CLMN: variants seen among roughly 807,000 people sequenced by gnomAD.
The protein encoded by CLMN is calmin.
A neutral mutation model predicts 92.7 loss-of-function variants in CLMN; 57 were observed. That is an observed-to-expected ratio of 0.61 (90% confidence interval 0.50 to 0.77). The LOEUF is 0.77. Among genes scored for constraint, CLMN ranks in the 30% least tolerant of loss-of-function variants. The pLI, the probability that CLMN is intolerant of heterozygous loss-of-function variation, is 0.00. For synonymous variants in CLMN, 466 were observed against 470.6 expected, an observed-to-expected ratio of 0.99 and a Z score of 0.13; for missense variants, 1,158 against 1,237.5, an observed-to-expected ratio of 0.94 and a Z score of 0.96.
Position 95,197,231 on chromosome 14 carries a change from A to G in CLMN, c.2512-537T>C, listed in dbSNP as rs548413876. On this transcript the variant is annotated intron_variant, in intron 9 of 12. Coordinates refer to ENST00000298912, the MANE Select transcript of CLMN (RefSeq NM_024734.4). Reference sequence around the variant, plus strand: ...GCCACTGCACTCCAACCTGGATGACACAGTGAGACCCTGTGAAGAAGAAGG... The same window carrying G: ...GCCACTGCACTCCAACCTGGATGACGCAGTGAGACCCTGTGAAGAAGAAGG... 2.5e-4 allele frequency among the ~76,000 whole-genome samples: 38 copies of G among 152,074 alleles called. 1 individual carries two copies. In the East Asian group the frequency reaches 7.3e-3, roughly 29 times the overall value.
chr14:95,282,171 T>A (rs989961248), intron 1 of CLMN, among the ~76,000 whole-genome samples: 7 of 152,204 alleles, frequency 4.6e-5, no homozygotes, highest in African/African-American at 9.6e-5. Context: ...ACAAAAAGAA[T>A]GAGCAGTTTG....
intron 8 of CLMN, 61 bp from the exon 9 acceptor site, chr14:95,204,524 GCA>G (rs1224505310): frequency 9.3e-5 from 130 of 1,403,962 alleles, no homozygotes; most frequent in Non-Finnish European, 8.8e-5. Flanking sequence ...ACAAAAAAAA[GCA>G]CAGAGCAACA....
chr14:95,195,547 T>C (rs1475361052), intron 10 of CLMN, among the ~76,000 whole-genome samples: 1 of 152,206 alleles, frequency 6.6e-6, no homozygotes, highest in Admixed American at 6.5e-5. Flanking sequence ...CATACCTCAA[T>C]AGTTTTCTGT....
intron 9 of CLMN, among the ~76,000 whole-genome samples, chr14:95,202,280 G>A (rs1357966838): frequency 6.6e-6 from 1 of 152,214 alleles, no homozygotes; most frequent in Non-Finnish European, 1.5e-5. Flanking sequence ...TCTTACTGGT[G>A]TGAGATGGAA....
At chr14:95,234,522 A>G (rs1897989363) in intron 1 of CLMN, among the ~76,000 whole-genome samples, 1 of 152,168 alleles carries the variant, frequency 6.6e-6, no homozygotes, top group Non-Finnish European at 1.5e-5. Context: ...TGGCCTTCTC[A>G]CAGAGTGTTT....
rs1900707587 is a variant in CLMN at position 95,294,033 on chromosome 14, AG to A, written c.82+25677del. On this transcript the variant is annotated intron_variant, in intron 1 of 12. Transcript: ENST00000298912. This position sits in a 1 kb window ranked among gnomAD's most constrained non-coding sequence, Gnocchi z 4.2. Reference sequence around the variant, plus strand: ...GGTGACACCAAAGAGGAGGAGGAGGAGGAGGAGGCCAGAAGTCTGGCTGGAG... The same window carrying A: ...GGTGACACCAAAGAGGAGGAGGAGGAGAGGAGGCCAGAAGTCTGGCTGGAG... Among the ~76,000 whole-genome samples, 1 of 152,068 alleles carries A rather than the reference AG, an allele frequency of 6.6e-6. No homozygotes were observed. Among genetic ancestry groups the A allele is most frequent in the Admixed American group, 6.6e-5 (1 of 15,262 alleles).
intron 10 of CLMN, among the ~76,000 whole-genome samples, chr14:95,196,294 C>G (rs576875461): frequency 3.2e-4 from 49 of 152,326 alleles, no homozygotes; most frequent in African/African-American, 1.1e-3. Context: ...TCCCATCCTT[C>G]CCTTTTTGCT....
chr14:95,227,303 C>T (rs961804428), intron 2 of CLMN, among the ~76,000 whole-genome samples: 1 of 152,158 alleles, frequency 6.6e-6, no homozygotes, highest in African/African-American at 2.4e-5. Context: ...GGCAATTCCA[C>T]CCGCAGGTGC....
intron 1 of CLMN, among the ~76,000 whole-genome samples, chr14:95,266,590 A>C (rs1899483782): frequency 6.6e-6 from 1 of 152,226 alleles, no homozygotes; most frequent in African/African-American, 2.4e-5. Flanking sequence ...GGATTGGAAG[A>C]ATTAATATAT....
intron 4 of CLMN, among the ~76,000 whole-genome samples, chr14:95,218,135 T>C (rs1213891606): frequency 4.6e-5 from 7 of 152,194 alleles, no homozygotes; most frequent in Non-Finnish European, 8.8e-5. Flanking sequence ...ACCAATTGGT[T>C]TGTGGAAATA....
At position 95,184,437 on chromosome 14, in the gene CLMN, T is replaced by A. The variant is rs1305787302; in HGVS notation, c.*7127A>T. The A allele has an allele frequency of 6.6e-6, 1 of 152,284 alleles. No individual in the cohort carries two copies. Among genetic ancestry groups the A allele is most frequent in the African/African-American group, 2.4e-5 (1 of 41,478 alleles). 9.4% of individuals were successfully genotyped at this position (152,284 alleles called of 1,614,324 possible). A position where few individuals can be genotyped will look rare whatever the true frequency, so the allele number is the denominator to read the frequency against. ...CAGTGCGATTGAGGCCGTGGATTGT[T>A]GAGGCATGTGTATATTTAAAAACAA... On this transcript the variant is annotated 3_prime_UTR_variant, in exon 13 of 13. Transcript: ENST00000298912.
At position 95,204,499 on chromosome 14, in the gene CLMN, A is replaced by C. The variant is rs537457801; in HGVS notation, c.886-36T>G. The C allele has an allele frequency of 1.7e-5, 26 of 1,512,498 alleles. No homozygotes were observed. In the African/African-American group the frequency reaches 3.4e-4, roughly 20 times the overall value. The allele number at this position is 1,512,498 out of a possible 1,614,324, so 93.7% of individuals were successfully genotyped here. A position where few individuals can be genotyped will look rare whatever the true frequency, so the allele number is the denominator to read the frequency against. On this transcript the variant is annotated intron_variant, in intron 8 of 12. Coordinates refer to ENST00000298912, the MANE Select transcript of CLMN (RefSeq NM_024734.4). The stretch of plus-strand genomic sequence containing the variant: ...AAACAAAAACAAACAAACAAAAAAA[A>C]ACAAAAGAACAACAACAAAAAAAAG...
chr14:95,238,398 G>A (rs1182227389), intron 1 of CLMN, among the ~76,000 whole-genome samples: 1 of 152,184 alleles, frequency 6.6e-6, no homozygotes, highest in Admixed American at 6.5e-5. Context: ...TTCCCCCATC[G>A]GCTCTGGCGG....
Position 95,194,652 on chromosome 14 carries a change from GT to G in CLMN, c.2709-57del. Reference sequence around the variant, plus strand: ...ACCACCTGGAGCTCTTCATGGCTCAGTTGTACGGTCACCCCCATCCTGGGGT... The same window carrying G: ...ACCACCTGGAGCTCTTCATGGCTCAGTGTACGGTCACCCCCATCCTGGGGT... On this transcript the variant is annotated intron_variant, in intron 10 of 12. Coordinates refer to ENST00000298912, the MANE Select transcript of CLMN (RefSeq NM_024734.4). This position sits in a 1 kb window ranked among gnomAD's most constrained non-coding sequence, Gnocchi z 4.0. 1.3e-6 allele frequency: 2 copies of G among 1,538,014 alleles called. No individual in the cohort carries two copies. The highest frequency in any genetic ancestry group is 4.5e-5 in the East Asian group (2 of 44,404).
intron 1 of CLMN, among the ~76,000 whole-genome samples, chr14:95,252,291 C>G (rs1161819247): frequency 3.9e-5 from 6 of 152,238 alleles, no homozygotes; most frequent in African/African-American, 1.4e-4. Flanking sequence ...GCTGCTCCCC[C>G]TCACTGTCCC....
At chr14:95,221,080 C>CA (rs1447544326) in intron 4 of CLMN, among the ~76,000 whole-genome samples, 3 of 152,148 alleles carry the variant, frequency 2.0e-5, no homozygotes, top group African/African-American at 7.2e-5. Flanking sequence ...CTGTATGTGC[C>CA]AATGTGTCAG....
intron 1 of CLMN, among the ~76,000 whole-genome samples, chr14:95,268,306 T>C (rs935827362): frequency 1.3e-5 from 2 of 151,968 alleles, no homozygotes; most frequent in African/African-American, 4.8e-5. Context: ...GTAACAATTT[T>C]GTAAAAATAA....
chr14:95,294,818 G>A lies in CLMN; in HGVS notation c.82+24893C>T, dbSNP rs934482925. Reference sequence around the variant, plus strand: ...TGGCAGGACAACGTGGGGTGGAGGGGCCACATCACTTATTCCTCTGCTGCC... The same window carrying A: ...TGGCAGGACAACGTGGGGTGGAGGGACCACATCACTTATTCCTCTGCTGCC... On this transcript the variant is annotated intron_variant, in intron 1 of 12. Coordinates refer to ENST00000298912, the MANE Select transcript of CLMN (RefSeq NM_024734.4). This position sits in a 1 kb window ranked among gnomAD's most constrained non-coding sequence, Gnocchi z 4.2. 2.0e-5 allele frequency among the ~76,000 whole-genome samples: 3 copies of A among 152,186 alleles called. No homozygotes were observed. The highest frequency in any genetic ancestry group is 7.2e-5 in the African/African-American group (3 of 41,442).
At chr14:95,216,453 T>C (rs1897348762) in intron 4 of CLMN, among the ~76,000 whole-genome samples, 2 of 152,218 alleles carry the variant, frequency 1.3e-5, no homozygotes, top group African/African-American at 2.4e-5. Flanking sequence ...AAATACAACA[T>C]GCCCAGTGTC....
Sources: allele counts gnomAD v4.1 joint callset (sites outside exome capture counted in the v4.1 genomes callset), GRCh38; gene constraint gnomAD v4.1.1; non-coding constraint Gnocchi (gnomAD v3.1); transcripts MANE v1.5; gene names NCBI Gene and HGNC (gene_info 2026-07-23, HGNC 2026-07-21).